The following PATJ variants were observed in gnomAD, a reference collection of about 807,000 sequenced individuals.
The protein encoded by PATJ is PATJ crumbs cell polarity complex component.
In PATJ, 190 loss-of-function variants were observed where a neutral mutation model predicts 224.9. The ratio of observed to expected loss-of-function variants is 0.84; its 90% CI spans 0.75 to 0.95. PATJ has a LOEUF of 0.95. Among genes scored for constraint, PATJ ranks in the 40% least tolerant of loss-of-function variants. The pLI is 0.00. For missense variants in PATJ, 2,121 were observed against 2,270.3 expected (o/e 0.93, Z 1.34); for synonymous variants, 769 against 820.3 (o/e 0.94, Z 1.07).
At chr1:62,159,543 T>G (rs1669637256) in intron 43 of PATJ, among the ~76,000 whole-genome samples, 1 of 142,742 alleles carries the variant, frequency 7.0e-6, no homozygotes, top group African/African-American at 2.7e-5. Flanking sequence ...AGTATAGACC[T>G]GATTTCGAAT....
At chr1:61,881,546 G>A (rs1668102945) in intron 21 of PATJ, among the ~76,000 whole-genome samples, 1 of 151,750 alleles carries the variant, frequency 6.6e-6, no homozygotes, top group African/African-American at 2.4e-5. Flanking sequence ...TGAGTAGCTG[G>A]GATTACAGGT....
chr1:61,975,845 G>A (rs894137536), intron 27 of PATJ, among the ~76,000 whole-genome samples: 1 of 151,990 alleles, frequency 6.6e-6, no homozygotes, highest in Non-Finnish European at 1.5e-5. Context: ...ATTCTCACCT[G>A]CTTGTGTTTC....
At chr1:61,989,058 G>A (rs779010954) in intron 27 of PATJ, among the ~76,000 whole-genome samples, 4 of 152,090 alleles carry the variant, frequency 2.6e-5, no homozygotes, top group Non-Finnish European at 4.4e-5. Context: ...TGTGTTCTGC[G>A]GGGCACAGCA....
intron 8 of PATJ, 83 bp from the exon 9 acceptor site, chr1:61,791,265 C>G (rs946173238): frequency 1.3e-6 from 1 of 751,046 alleles, no homozygotes; most frequent in African/African-American, 1.8e-5. Flanking sequence ...TAAGAAAATA[C>G]TTGACAAACC....
intron 17 of PATJ, among the ~76,000 whole-genome samples, chr1:61,850,251 CTT>C (rs1662602753): frequency 6.6e-6 from 1 of 152,174 alleles, no homozygotes; most frequent in Non-Finnish European, 1.5e-5. Flanking sequence ...AATCTGGTCT[CTT>C]TGATCTTTGG....
chr1:61,783,462 T>C (rs977802642), intron 7 of PATJ, among the ~76,000 whole-genome samples: 2 of 148,200 alleles, frequency 1.3e-5, no homozygotes, highest in Non-Finnish European at 3.0e-5. Flanking sequence ...AGAGTCTTGC[T>C]CTGTCACTTT....
At position 61,920,459 on chromosome 1, in the gene PATJ, C is replaced by T. The variant is rs558490840; in HGVS notation, c.3570+5795C>T. 3.3e-4 allele frequency among the ~76,000 whole-genome samples: 50 copies of T among 152,222 alleles called. No homozygotes were observed. In the Middle Eastern group the frequency reaches 0.01, roughly 31 times the overall value. On this transcript the variant is annotated intron_variant, in intron 26 of 43. Transcript: ENST00000642238. ...AGGTGACTTGCTCCTCCTTGCTTTC[C>T]GCCATGATTATGAGGCCTCTCCTGC...
intron 31 of PATJ, among the ~76,000 whole-genome samples, chr1:62,059,357 C>T (rs1655039043): frequency 1.3e-5 from 2 of 152,156 alleles, no homozygotes; most frequent in African/African-American, 4.8e-5. Context: ...CATGGTTGCT[C>T]ACCCCTGTAA....
chr1:61,914,992 G>A (rs1309669640), intron 26 of PATJ, among the ~76,000 whole-genome samples: 1 of 152,112 alleles, frequency 6.6e-6, no homozygotes, highest in Non-Finnish European at 1.5e-5. Flanking sequence ...CTCTCGCCTG[G>A]AAGTCCATTT....
intron 31 of PATJ, among the ~76,000 whole-genome samples, chr1:62,077,903 T>C (rs1326165286): frequency 6.6e-6 from 1 of 152,214 alleles, no homozygotes; most frequent in Non-Finnish European, 1.5e-5. Flanking sequence ...AGAAAAAAAG[T>C]AATATTTAAC....
intron 27 of PATJ, among the ~76,000 whole-genome samples, chr1:61,978,999 G>C (rs1173212522): frequency 6.6e-6 from 1 of 152,004 alleles, no homozygotes; most frequent in Non-Finnish European, 1.5e-5. Context: ...ACAAGAAAAA[G>C]GCATTGATGC....
At chr1:61,782,038 A>G (rs1270410588) in intron 7 of PATJ, among the ~76,000 whole-genome samples, 4 of 152,224 alleles carry the variant, frequency 2.6e-5, no homozygotes, top group African/African-American at 4.8e-5. Flanking sequence ...ACTGTGTAGC[A>G]TATACCGAAG....
chr1:61,804,370 G>A (rs755749319), intron 12 of PATJ, among the ~76,000 whole-genome samples: 17 of 152,032 alleles, frequency 1.1e-4, no homozygotes, highest in Non-Finnish European at 1.8e-4. Context: ...GTTCTTTAAT[G>A]TTCATTAGTC....
Position 61,827,527 on chromosome 1 carries a change from G to T in PATJ, c.1924G>T (p.Asp642Tyr), listed in dbSNP as rs752688701. The change falls in exon 16 of 44, where the codon GAT becomes TAT. Residue 642 changes from aspartate (D) to tyrosine (Y), a missense_variant. Asp to Tyr is a radical substitution (Grantham distance 160). Coordinates refer to ENST00000642238, the MANE Select transcript of PATJ (RefSeq NM_001350145.3). ...TLVCCRRLFD[D>Y]EASVDEPRRT... The stretch of plus-strand genomic sequence containing the variant: ...GGTTTGCTGTCGGAGGTTGTTTGAT[G>T]ATGAAGCTTCTGTAGATGAACCAAG... 1 of 1,613,904 alleles carries T rather than the reference G, an allele frequency of 6.2e-7. No homozygotes were observed. Among genetic ancestry groups the T allele is most frequent in the Non-Finnish European group, 8.5e-7 (1 of 1,180,002 alleles).
intron 27 of PATJ, among the ~76,000 whole-genome samples, chr1:61,971,246 ACT>A (rs1469683457): frequency 6.6e-6 from 1 of 152,142 alleles, no homozygotes; most frequent in Admixed American, 6.6e-5. Context: ...GTCTCTCTAC[ACT>A]CTACCAACCT....
At chr1:61,870,153 A>G (rs1047237934) in intron 20 of PATJ, among the ~76,000 whole-genome samples, 1 of 152,186 alleles carries the variant, frequency 6.6e-6, no homozygotes, top group Non-Finnish European at 1.5e-5. Context: ...ATGAGGCTGC[A>G]TGAATGAATT....
chr1:62,142,727 AG>A (rs1303796721), intron 41 of PATJ, among the ~76,000 whole-genome samples: 2 of 152,174 alleles, frequency 1.3e-5, no homozygotes, highest in Non-Finnish European at 2.9e-5. Context: ...GGCTTGTAGA[AG>A]GGAAGTGACA....
intron 33 of PATJ, among the ~76,000 whole-genome samples, chr1:62,104,244 A>G (rs544299325): frequency 1.3e-5 from 2 of 152,330 alleles, no homozygotes; most frequent in East Asian, 3.9e-4. Flanking sequence ...TCATATGCAT[A>G]ATCAACACCA....
At chr1:61,890,192 A>G (rs1474560583) in intron 22 of PATJ, among the ~76,000 whole-genome samples, 2 of 152,178 alleles carry the variant, frequency 1.3e-5, no homozygotes, top group Non-Finnish European at 2.9e-5. Context: ...ATAAAAATTC[A>G]TACAGGCCAG....
Sources: allele counts gnomAD v4.1 joint callset (sites outside exome capture counted in the v4.1 genomes callset), GRCh38; gene constraint gnomAD v4.1.1; transcripts MANE v1.5; gene names NCBI Gene and HGNC (gene_info 2026-07-23, HGNC 2026-07-21).